PTPN20: variants seen among roughly 807,000 people sequenced by gnomAD.
PTPN20 encodes tyrosine-protein phosphatase non-receptor type 20.
In PTPN20, 9 loss-of-function variants were observed where a neutral mutation model predicts 35.0. That is an observed-to-expected ratio of 0.26 (90% CI 0.15 to 0.45). The LOEUF (loss-of-function observed/expected upper bound fraction) is 0.45, where lower values mean the gene tolerates loss of function less well. Ranked by LOEUF, PTPN20 falls within the 20% of genes least tolerant of loss-of-function variation. PTPN20 has a pLI of 1.00. For synonymous variants in PTPN20, 32 were observed against 100.2 expected (o/e 0.32, Z 4.06); for missense variants, 111 against 312.5 (o/e 0.36, Z 4.86).
At chr10:46,995,509 T>G (rs1354640373) in intron 9 of PTPN20, among the ~76,000 whole-genome samples, 1 of 152,078 alleles carries the variant, frequency 6.6e-6, no homozygotes, top group African/African-American at 2.4e-5. Context: ...TGGCTAGAGA[T>G]TCATGCCCAG....
rs1353832864 is a variant in PTPN20, at chr10:46,994,522, G to A, written c.1135-5390G>A. 6.3e-3 allele frequency among the ~76,000 whole-genome samples: 959 copies of A among 151,794 alleles called. 10 individuals carry two copies. The highest frequency in any genetic ancestry group is 0.041 in the Middle Eastern group (12 of 294). The stretch of plus-strand genomic sequence containing the variant: ...AATTTTTTTGTATTTTTTTAGTAGA[G>A]ACGGGGTTTCACCGTGTTAGCCAGG... On this transcript the variant is annotated intron_variant, in intron 9 of 10. Transcript: ENST00000374339.
chr10:46,998,076 A>G (rs1345398661), intron 9 of PTPN20, among the ~76,000 whole-genome samples: 4 of 152,190 alleles, frequency 2.6e-5, no homozygotes, highest in Non-Finnish European at 5.9e-5. Flanking sequence ...GAAAACAAAA[A>G]CAAAACTAAC....
At chr10:46,976,919 T>C (rs1297590385) in intron 7 of PTPN20, among the ~76,000 whole-genome samples, 1 of 151,308 alleles carries the variant, frequency 6.6e-6, no homozygotes. Flanking sequence ...TATAAGTTTT[T>C]AAAAAATTTC....
In PTPN20 at chr10:46,999,724, C is replaced by A. The variant is rs540556762; in HGVS notation, c.1135-188C>A. ...ATTATGAATGATTGCTTCCTGCTTTCTCCTGAAAACCTATTAAAATAGTCT... is the reference window on the plus strand; with the variant it reads ...ATTATGAATGATTGCTTCCTGCTTTATCCTGAAAACCTATTAAAATAGTCT... On this transcript the variant is annotated intron_variant, in intron 9 of 10. Coordinates refer to ENST00000374339, the MANE Select transcript of PTPN20 (RefSeq NM_001042357.5). Among the ~76,000 whole-genome samples, 36 of 152,276 alleles carry A rather than the reference C, an allele frequency of 2.4e-4. 2 individuals carry two copies. In the South Asian group the frequency reaches 7.5e-3, roughly 32 times the overall value.
At chr10:46,918,655 A>G (rs2033893367) in intron 1 of PTPN20, among the ~76,000 whole-genome samples, 1 of 141,058 alleles carries the variant, frequency 7.1e-6, no homozygotes, top group Admixed American at 6.8e-5. Context: ...TTAGAAATAT[A>G]TTGTTTAATT....
At chr10:46,992,729 T>C (rs2058232041) in intron 9 of PTPN20, among the ~76,000 whole-genome samples, 1 of 152,206 alleles carries the variant, frequency 6.6e-6, no homozygotes, top group African/African-American at 2.4e-5. Flanking sequence ...ATTTCAGCCA[T>C]CTCAATTTAG....
intron 5 of PTPN20, among the ~76,000 whole-genome samples, chr10:46,949,374 C>G (rs2045987600): frequency 6.6e-6 from 1 of 152,222 alleles, no homozygotes; most frequent in Non-Finnish European, 1.5e-5. Context: ...CATTTTATGT[C>G]TGAATACTTC....
chr10:46,947,344 G>T (rs2045218025), intron 5 of PTPN20, among the ~76,000 whole-genome samples: 1 of 150,192 alleles, frequency 6.7e-6, no homozygotes, highest in East Asian at 2.0e-4. Flanking sequence ...ATCAAATGTT[G>T]GAAACATCTT....
intron 5 of PTPN20, among the ~76,000 whole-genome samples, chr10:46,948,706 T>G: frequency 6.6e-6 from 1 of 152,054 alleles, no homozygotes; most frequent in Non-Finnish European, 1.5e-5. Context: ...AGAAGGGCTT[T>G]CTTTCCTTCT....
At position 46,940,706 on chromosome 10, in the gene PTPN20, C is replaced by A; in HGVS notation, c.118C>A (p.Pro40Thr). 6.2e-7 allele frequency: 1 copy of A among 1,610,414 alleles called. No individual in the cohort carries two copies. Among genetic ancestry groups the A allele is most frequent in the Non-Finnish European group, 8.5e-7 (1 of 1,179,192 alleles). Residue 40 changes from proline to threonine, a missense_variant, in exon 3 of 11, where the codon CCT becomes ACT. Physicochemically the swap from Pro to Thr is conservative, Grantham distance 38. Coordinates refer to ENST00000374339, the MANE Select transcript of PTPN20 (RefSeq NM_001042357.5). ...GCCTTCATCAAGTCAGGAAAACACACCTAGATCAAAGGTAAGACTAAAAGG... is the reference window on the plus strand; with the variant it reads ...GCCTTCATCAAGTCAGGAAAACACAACTAGATCAAAGGTAAGACTAAAAGG... ...TLPSSSQENT[P>T]RSKVFENKVN...
At chr10:46,928,748 AGT>A (rs2038588470) in intron 1 of PTPN20, among the ~76,000 whole-genome samples, 1 of 137,428 alleles carries the variant, frequency 7.3e-6, no homozygotes, top group African/African-American at 2.9e-5. Flanking sequence ...AATTACTAGT[AGT>A]CTAAGAAGCT....
rs1555110161 is a variant in PTPN20, at chr10:46,923,161, T to C, written c.-123-9216T>C. ...ATTGTGTGAGACAGTTGAATCGTGC[T>C]GTCCAAGGATTTCTGGCAACCACCA... On this transcript the variant is annotated intron_variant, in intron 1 of 10. Transcript: ENST00000374339. Among the ~76,000 whole-genome samples, 3 of 143,712 alleles carry C rather than the reference T, an allele frequency of 2.1e-5. 1 individual carries two copies. Among genetic ancestry groups the C allele is most frequent in the Non-Finnish European group, 4.5e-5 (3 of 67,338 alleles). 94.3% of individuals were successfully genotyped at this position (143,712 alleles called of 152,430 possible).
chr10:46,940,115 C>A (rs2042977663), intron 2 of PTPN20, among the ~76,000 whole-genome samples: 2 of 150,494 alleles, frequency 1.3e-5, no homozygotes, highest in African/African-American at 4.9e-5. Flanking sequence ...CCAGAGTTTC[C>A]TTGGGATGAT....
chr10:46,935,770 A>C (rs1364469206), intron 2 of PTPN20, among the ~76,000 whole-genome samples: 1 of 152,196 alleles, frequency 6.6e-6, no homozygotes, highest in Non-Finnish European at 1.5e-5. Context: ...ATGAACATAC[A>C]TGTGCATATG....
chr10:46,999,994 A>C lies in PTPN20; in HGVS notation c.1197+20A>C, dbSNP rs1333286833. The C allele has an allele frequency of 6.2e-7, 1 of 1,613,622 alleles. No individual in the cohort carries two copies. The highest frequency in any genetic ancestry group is 8.5e-7 in the Non-Finnish European group (1 of 1,179,604). ...ACGAAGGTAAGCTTTCACCACATACATAATAATAAGAATAATGAATATAAA... is the reference window on the plus strand; with the variant it reads ...ACGAAGGTAAGCTTTCACCACATACCTAATAATAAGAATAATGAATATAAA... On this transcript the variant is annotated intron_variant, in intron 10 of 10. Transcript: ENST00000374339.
chr10:46,934,525 G>T (rs1254217069), intron 2 of PTPN20, among the ~76,000 whole-genome samples: 1 of 146,596 alleles, frequency 6.8e-6, no homozygotes, highest in African/African-American at 2.5e-5. Flanking sequence ...TTCTAATCAT[G>T]TTGAAAGGTA....
chr10:46,954,100 T>TG lies in PTPN20; in HGVS notation c.340+7434dup, dbSNP rs1208826756. 3.5e-3 allele frequency among the ~76,000 whole-genome samples: 342 copies of TG among 97,024 alleles called. 26 individuals carry two copies. Among genetic ancestry groups the TG allele is most frequent in the Middle Eastern group, 5.8e-3 (1 of 172 alleles). 63.7% of individuals were successfully genotyped at this position (97,024 alleles called of 152,430 possible). A position where few individuals can be genotyped will look rare whatever the true frequency, so the allele number is the denominator to read the frequency against. On this transcript the variant is annotated intron_variant, in intron 5 of 10. Coordinates refer to ENST00000374339, the MANE Select transcript of PTPN20 (RefSeq NM_001042357.5). The stretch of plus-strand genomic sequence containing the variant: ...TTAGTTTTTAGTTTTTTTTTTTTTT[T>TG]GGGGGGGGGTGCTTTTATAACAAAA...
chr10:46,972,509 A>G (rs1425704244), intron 7 of PTPN20, among the ~76,000 whole-genome samples: 3 of 93,092 alleles, frequency 3.2e-5, no homozygotes, highest in South Asian at 5.2e-4. Context: ...ATATGTCTGC[A>G]TAAAGACTTA....
At chr10:46,948,129 TC>T (rs1283979262) in intron 5 of PTPN20, among the ~76,000 whole-genome samples, 2 of 152,086 alleles carry the variant, frequency 1.3e-5, no homozygotes, top group Admixed American at 1.3e-4. Context: ...GTTTACTGAT[TC>T]CTTTCTTGGT....
Sources: allele counts gnomAD v4.1 joint callset (sites outside exome capture counted in the v4.1 genomes callset), GRCh38; gene constraint gnomAD v4.1.1; transcripts MANE v1.5; gene names NCBI Gene and HGNC (gene_info 2026-07-23, HGNC 2026-07-21).